Variants in FIRRM observed in about 807,000 individuals in gnomAD.
FIRRM encodes the protein FIGNL1-interacting regulator of recombination and mitosis.
At chr1:169,793,699 C>T in the FIRRM span, 1 of 1,567,562 alleles carries the variant, frequency 6.4e-7, no homozygotes, top group Non-Finnish European at 8.6e-7. Context: ...AGGTCATCCT[C>T]TTATTAAATG....
chr1:169,838,725 G>C, the FIRRM span, among the ~76,000 whole-genome samples: 2 of 152,064 alleles, frequency 1.3e-5, no homozygotes, highest in African/African-American at 4.8e-5. Context: ...CCTGACCTCA[G>C]GTGATCTGTC....
chr1:169,829,152 C>T, the FIRRM span: 7 of 939,414 alleles, frequency 7.5e-6, no homozygotes, highest in Non-Finnish European at 1.1e-5. Flanking sequence ...CTGATTATAC[C>T]TCTTGAAACA....
the FIRRM span, chr1:169,795,747 A>G: frequency 2.4e-3 from 2,387 of 985,412 alleles, 44 homozygotes; most frequent in African/African-American, 0.039. Flanking sequence ...GTAAATAAAA[A>G]TGATTTTCCT....
the FIRRM span, chr1:169,827,302 A>C: frequency 1.0e-6 from 1 of 995,594 alleles, no homozygotes; most frequent in African/African-American, 1.7e-5. Context: ...ATTTTTATTA[A>C]GTTTCTTTTA....
chr1:169,795,899 G>C, the FIRRM span: 4 of 985,258 alleles, frequency 4.1e-6, no homozygotes, highest in Non-Finnish European at 4.8e-6. Flanking sequence ...GGCGCTTAGC[G>C]CCTTCTTCGT....
chr1:169,788,904 G>A, the FIRRM span, among the ~76,000 whole-genome samples: 2 of 152,152 alleles, frequency 1.3e-5, no homozygotes, highest in South Asian at 4.2e-4. Flanking sequence ...ATAACCTCCC[G>A]TATAGATGAT....
At chr1:169,825,547 T>C in the FIRRM span, among the ~76,000 whole-genome samples, 40,626 of 152,140 alleles carry the variant, frequency 0.27, 5,935 homozygotes, top group Middle Eastern at 0.36. Flanking sequence ...AATAGTTGAT[T>C]GAAAAAATAA....
At chr1:169,836,818 T>G in the FIRRM span, 4 of 733,398 alleles carry the variant, frequency 5.5e-6, no homozygotes, top group South Asian at 7.9e-5. Context: ...ACCGTACCAT[T>G]ATAAAGCTTT....
chr1:169,824,170 C>T, the FIRRM span, among the ~76,000 whole-genome samples: 90 of 152,284 alleles, frequency 5.9e-4, no homozygotes, highest in African/African-American at 2.1e-3. Flanking sequence ...AAAATGGAAG[C>T]AATTAAGAGA....
At chr1:169,840,764 C>T in the FIRRM span, among the ~76,000 whole-genome samples, 1 of 152,156 alleles carries the variant, frequency 6.6e-6, no homozygotes, top group Non-Finnish European at 1.5e-5. Context: ...CCCACCTCGG[C>T]CTCCCAAAGT....
chr1:169,811,635 A>C, the FIRRM span, among the ~76,000 whole-genome samples: 1 of 152,198 alleles, frequency 6.6e-6, no homozygotes, highest in Non-Finnish European at 1.5e-5. Context: ...AGCTTGGACA[A>C]CAGAGTGAGA....
chr1:169,827,342 TA>T, the FIRRM span: 1 of 802,076 alleles, frequency 1.2e-6, no homozygotes. Context: ...ATTTCTTATT[TA>T]AAAATTATAC....
chr1:169,816,500 G>T, the FIRRM span, among the ~76,000 whole-genome samples: 3 of 152,078 alleles, frequency 2.0e-5, no homozygotes, highest in South Asian at 2.1e-4. Flanking sequence ...AGACTGATTT[G>T]CTTTTTTATA....
chr1:169,852,686 C>T, the FIRRM span: 4 of 1,191,868 alleles, frequency 3.4e-6, no homozygotes, highest in Admixed American at 4.3e-5. Context: ...CCTTGTGATC[C>T]AATGACTAGA....
At chr1:169,816,938 A>T in the FIRRM span, among the ~76,000 whole-genome samples, 1 of 152,208 alleles carries the variant, frequency 6.6e-6, no homozygotes. Flanking sequence ...GTAAGTTAAG[A>T]ATATTCATAA....
At chr1:169,803,200 G>C in the FIRRM span, 2 of 1,613,932 alleles carry the variant, frequency 1.2e-6, no homozygotes, top group Admixed American at 1.7e-5. Flanking sequence ...GCTCTCACAG[G>C]ATGTGTTCAG....
the FIRRM span, chr1:169,853,625 T>A: frequency 2.8e-6 from 4 of 1,429,388 alleles, no homozygotes; most frequent in Non-Finnish European, 3.9e-6. Context: ...CACTTTGGGG[T>A]TTTCTTGTCC....
chr1:169,819,311 C>A, the FIRRM span, among the ~76,000 whole-genome samples: 1 of 152,296 alleles, frequency 6.6e-6, no homozygotes, highest in African/African-American at 2.4e-5. Context: ...CATCCCCATA[C>A]CTTCTAAGTG....
chr1:169,802,862 A>G, the FIRRM span: 1 of 617,034 alleles, frequency 1.6e-6, no homozygotes, highest in Non-Finnish European at 2.9e-6. Context: ...TAAAGACGTG[A>G]ATATAGAAAC....
Sources: allele counts gnomAD v4.1 joint callset (sites outside exome capture counted in the v4.1 genomes callset), GRCh38; gene constraint gnomAD v4.1.1; transcripts MANE v1.5; gene names NCBI Gene and HGNC (gene_info 2026-07-23, HGNC 2026-07-21).